The following CCDC60 variants were observed in gnomAD, a reference collection of about 807,000 sequenced individuals.
CCDC60 encodes coiled-coil domain-containing protein 60.
CCDC60 carries 54 observed loss-of-function variants against 63.5 expected under a neutral mutation model. The observed-to-expected ratio is 0.85, with a 90% CI of 0.68 to 1.07. The LOEUF (loss-of-function observed/expected upper bound fraction) is 1.07. Among genes scored for constraint, CCDC60 ranks in the 50% least tolerant of loss-of-function variants. CCDC60 has a pLI of 0.00. For missense variants in CCDC60, 651 were observed against 684.3 expected (o/e 0.95, Z 0.54); for synonymous variants, 206 against 238.8 (o/e 0.86, Z 1.27).
At chr12:119,340,433 G>C (rs1457995760) in intron 1 of CCDC60, among the ~76,000 whole-genome samples, 1 of 152,114 alleles carries the variant, frequency 6.6e-6, no homozygotes, top group African/African-American at 2.4e-5. Context: ...CTAGTTCTCT[G>C]CTGAGAGGTA....
intron 6 of CCDC60, among the ~76,000 whole-genome samples, chr12:119,504,440 A>G (rs1420021089): frequency 6.6e-6 from 1 of 152,006 alleles, no homozygotes; most frequent in Non-Finnish European, 1.5e-5. Context: ...TTATCATCCA[A>G]TTCTCCTAGC....
intron 2 of CCDC60, among the ~76,000 whole-genome samples, chr12:119,464,313 T>C (rs2695502): frequency 0.32 from 19,497 of 60,312 alleles, 2,742 homozygotes; most frequent in African/African-American, 0.47. Context: ...CCCCCCCCAC[T>C]CTTCCTTACT....
intron 1 of CCDC60, among the ~76,000 whole-genome samples, chr12:119,424,795 A>T (rs1179628876): frequency 6.6e-6 from 1 of 152,190 alleles, no homozygotes; most frequent in Non-Finnish European, 1.5e-5. Flanking sequence ...TCATAAACCT[A>T]CCTTTATAAT....
chr12:119,335,247 C>T lies in CCDC60; in HGVS notation c.71C>T (p.Ala24Val). Residue 24 changes from alanine (A) to valine (V), a missense_variant, in exon 1 of 14, where the codon GCC becomes GTC. Physicochemically the swap from Ala to Val is moderately conservative, Grantham distance 64 (BLOSUM62 0). Coordinates refer to ENST00000327554, the MANE Select transcript of CCDC60 (RefSeq NM_178499.5). The part of the protein sequence containing the change: ...PNSGAVRPFY[A>V]SENLRQVPDK... ...TCGGGGGCTGTCCGGCCCTTTTATGCCTCGGAGAACCTAAGGCAGGTAAGT... is the reference window on the plus strand; with the variant it reads ...TCGGGGGCTGTCCGGCCCTTTTATGTCTCGGAGAACCTAAGGCAGGTAAGT... 1.2e-6 allele frequency: 2 copies of T among 1,602,680 alleles called. No individual in the cohort carries two copies. Among genetic ancestry groups the T allele is most frequent in the Non-Finnish European group, 1.7e-6 (2 of 1,175,076 alleles).
chr12:119,465,327 TA>T (rs995095893), intron 2 of CCDC60, among the ~76,000 whole-genome samples: 3 of 150,758 alleles, frequency 2.0e-5, no homozygotes, highest in South Asian at 2.1e-4. Flanking sequence ...AAAATAAAAA[TA>T]AAAAAATAAA....
chr12:119,381,483 A>C (rs1309403516), intron 1 of CCDC60, among the ~76,000 whole-genome samples: 2 of 152,126 alleles, frequency 1.3e-5, no homozygotes, highest in Non-Finnish European at 2.9e-5. Context: ...TGTGCCTTAA[A>C]TCTCTGGAAT....
chr12:119,513,753 A>G (rs1470737244), intron 7 of CCDC60, among the ~76,000 whole-genome samples: 1 of 152,162 alleles, frequency 6.6e-6, no homozygotes, highest in African/African-American at 2.4e-5. Context: ...ATAGCACACT[A>G]TGTTACTCAC....
At chr12:119,409,133 G>A (rs1007189724) in intron 1 of CCDC60, among the ~76,000 whole-genome samples, 10 of 152,162 alleles carry the variant, frequency 6.6e-5, no homozygotes, top group Non-Finnish European at 8.8e-5. Context: ...GATATCTTAA[G>A]AGGCTGCCTA....
At chr12:119,529,114 C>G (rs1489745235) in intron 12 of CCDC60, among the ~76,000 whole-genome samples, 1 of 152,092 alleles carries the variant, frequency 6.6e-6, no homozygotes, top group East Asian at 1.9e-4. Context: ...CTGCATCCCC[C>G]CAAGTAACGT....
intron 7 of CCDC60, among the ~76,000 whole-genome samples, chr12:119,514,086 T>C (rs1348043419): frequency 6.6e-6 from 1 of 152,140 alleles, no homozygotes; most frequent in Admixed American, 6.6e-5. Flanking sequence ...GGGGACAAGA[T>C]GTAGAGGTGA....
intron 1 of CCDC60, among the ~76,000 whole-genome samples, chr12:119,365,252 G>A (rs1037218345): frequency 3.9e-5 from 6 of 152,136 alleles, no homozygotes; most frequent in Non-Finnish European, 8.8e-5. Context: ...TAGACTGATT[G>A]CAAAGGAGAT....
At chr12:119,533,173 G>T (rs779882247) in intron 13 of CCDC60, among the ~76,000 whole-genome samples, 1 of 152,184 alleles carries the variant, frequency 6.6e-6, no homozygotes, top group Non-Finnish European at 1.5e-5. Flanking sequence ...GACCAGTGAT[G>T]ATGAGCCTTT....
intron 1 of CCDC60, among the ~76,000 whole-genome samples, chr12:119,366,751 G>A (rs959216243): frequency 1.3e-5 from 2 of 152,092 alleles, no homozygotes; most frequent in Non-Finnish European, 2.9e-5. Context: ...CAGCCTTCAG[G>A]GACCCACCCC....
At chr12:119,538,910 C>T (rs1953082768) in intron 13 of CCDC60, among the ~76,000 whole-genome samples, 1 of 152,206 alleles carries the variant, frequency 6.6e-6, no homozygotes, top group South Asian at 2.1e-4. Context: ...TGATGCTATT[C>T]CTTTCTGTTT....
chr12:119,389,005 T>C (rs1278449080), intron 1 of CCDC60, among the ~76,000 whole-genome samples: 2 of 152,228 alleles, frequency 1.3e-5, no homozygotes, highest in Middle Eastern at 6.3e-3. Context: ...TTGCCCTCTC[T>C]GAGTCTTACT....
chr12:119,360,330 C>T (rs1338236804), intron 1 of CCDC60, among the ~76,000 whole-genome samples: 1 of 145,490 alleles, frequency 6.9e-6, no homozygotes, highest in Non-Finnish European at 1.5e-5. Flanking sequence ...GGCGGCTGGC[C>T]AGGCGGGGGG....
rs1952071353 is a variant in CCDC60 at position 119,507,583 on chromosome 12, TATATATACATATATATATATATATATA to T, written c.883+2281_883+2307del. ...ATATATATATATGTATATATACACA[TATATATACATATATATATATATATATA>T]TATATTTTTTTTTTTTTTTTCTAGA... On this transcript the variant is annotated intron_variant, in intron 7 of 13. Transcript: ENST00000327554. 5.0e-4 allele frequency among the ~76,000 whole-genome samples: 18 copies of T among 36,274 alleles called. 2 individuals are homozygous for T. In the Admixed American group the frequency reaches 5.9e-3, roughly 12 times the overall value. 23.8% of individuals were successfully genotyped at this position (36,274 alleles called of 152,430 possible).
At position 119,527,259 on chromosome 12, in the gene CCDC60, C is replaced by G. The variant is rs533709507; in HGVS notation, c.1230-1356C>G. On this transcript the variant is annotated intron_variant, in intron 11 of 13. Transcript: ENST00000327554. ...AGGAAACAACAGACACTGGAGTCTA[C>G]CTTGAGGGGGGATGGTGGGAGGAGG... Among the ~76,000 whole-genome samples the G allele has an allele frequency of 4.6e-5, 7 of 151,410 alleles. No homozygotes were observed. In the East Asian group the frequency reaches 5.8e-4, roughly 13 times the overall value.
intron 2 of CCDC60, among the ~76,000 whole-genome samples, chr12:119,467,651 C>A (rs1950976238): frequency 6.6e-6 from 1 of 152,224 alleles, no homozygotes. Flanking sequence ...GCCACCCAGT[C>A]TATGGTATTT....
Sources: allele counts gnomAD v4.1 joint callset (sites outside exome capture counted in the v4.1 genomes callset), GRCh38; gene constraint gnomAD v4.1.1; transcripts MANE v1.5; gene names NCBI Gene and HGNC (gene_info 2026-07-23, HGNC 2026-07-21).